Variants in CNTFR observed in about 807,000 individuals in gnomAD.
CNTFR encodes ciliary neurotrophic factor receptor subunit alpha.
A neutral mutation model predicts 40.4 loss-of-function variants in CNTFR; 12 were observed. The ratio of observed to expected loss-of-function variants is 0.30; its 90% CI spans 0.19 to 0.48. The LOEUF (loss-of-function observed/expected upper bound fraction) is 0.48. Ranked by LOEUF, CNTFR falls within the 20% of genes least tolerant of loss-of-function variation. The probability of loss-of-function intolerance (pLI) is 0.99; values close to 1 mark genes in which losing one functional copy is unlikely to be tolerated. For synonymous variants in CNTFR, 202 were observed against 209.6 expected, an observed-to-expected ratio of 0.96 and a Z score of 0.31; for missense variants, 414 against 506.8, an observed-to-expected ratio of 0.82 and a Z score of 1.76.
rs764618752 is a variant in CNTFR at position 34,552,834 on chromosome 9, T to G, written c.789A>C (p.Thr263=). The change falls in exon 8 of 10, where the codon ACA becomes ACC. Residue 263 remains threonine (T), a synonymous_variant. Transcript: ENST00000378980. The surrounding 1 kb of genome is among the most constrained non-coding windows in gnomAD (Gnocchi z 5.1). ...QWQHVELSDG[T]AHTITDAYAG... ...CGTAGGCATCTGTGATGGTGTGTGC[T>G]GTGCCGTCGGACAGCTCCACCTGCA... The G allele has an allele frequency of 2.5e-6, 4 of 1,612,488 alleles. No individual in the cohort carries two copies. In the South Asian group the frequency reaches 4.4e-5, roughly 18 times the overall value.
chr9:34,587,786 G>A (rs1430490772), intron 1 of CNTFR, among the ~76,000 whole-genome samples: 1 of 152,124 alleles, frequency 6.6e-6, no homozygotes, highest in African/African-American at 2.4e-5. Context: ...GGACCCCAGT[G>A]AGATTCTGGG....
At chr9:34,574,884 G>A (rs564211427) in intron 2 of CNTFR, among the ~76,000 whole-genome samples, 1 of 152,238 alleles carries the variant, frequency 6.6e-6, no homozygotes, top group Non-Finnish European at 1.5e-5. Flanking sequence ...GCCCTCCCAT[G>A]ATGGGCCTGG....
chr9:34,563,099 G>A lies in CNTFR; in HGVS notation c.319+1500C>T, dbSNP rs370959612. 2.3e-3 allele frequency among the ~76,000 whole-genome samples: 353 copies of A among 151,954 alleles called. 2 individuals carry two copies. Among genetic ancestry groups the A allele is most frequent in the African/African-American group, 8.1e-3 (334 of 41,434 alleles). ...CCATCTCCAGCAGAGGCCTCTCCCCGAATCCCAGACGCTCAGACCCACTGG... is the reference window on the plus strand; with the variant it reads ...CCATCTCCAGCAGAGGCCTCTCCCCAAATCCCAGACGCTCAGACCCACTGG... On this transcript the variant is annotated intron_variant, in intron 4 of 9. Coordinates refer to ENST00000378980, the MANE Select transcript of CNTFR (RefSeq NM_147164.3).
At chr9:34,582,038 C>T (rs1278228849) in intron 1 of CNTFR, among the ~76,000 whole-genome samples, 2 of 152,130 alleles carry the variant, frequency 1.3e-5, no homozygotes, top group Non-Finnish European at 2.9e-5. Context: ...CTTTGGGAGG[C>T]TGAAGCAGGT....
chr9:34,579,555 A>T (rs960949163), intron 2 of CNTFR, among the ~76,000 whole-genome samples: 1 of 151,924 alleles, frequency 6.6e-6, no homozygotes, highest in Non-Finnish European at 1.5e-5. Context: ...ACTGAGGGCG[A>T]GGCTCCCACG....
At chr9:34,579,580 CAG>C (rs1564074395) in intron 2 of CNTFR, among the ~76,000 whole-genome samples, 1 of 151,474 alleles carries the variant, frequency 6.6e-6, no homozygotes, top group East Asian at 1.9e-4. Flanking sequence ...CTGAGATGGA[CAG>C]AGAGAGGGTG....
At chr9:34,567,543 G>C (rs986149210) in intron 3 of CNTFR, among the ~76,000 whole-genome samples, 1 of 152,110 alleles carries the variant, frequency 6.6e-6, no homozygotes, top group Non-Finnish European at 1.5e-5. Flanking sequence ...CACCTGATAC[G>C]AGATCACATG....
intron 4 of CNTFR, among the ~76,000 whole-genome samples, chr9:34,564,046 C>T (rs1006191438): frequency 1.3e-5 from 2 of 152,328 alleles, no homozygotes; most frequent in East Asian, 3.9e-4. Flanking sequence ...TACGGTCACA[C>T]CCAGCTCTCT....
intron 1 of CNTFR, among the ~76,000 whole-genome samples, chr9:34,585,714 T>G (rs1262531528): frequency 6.6e-6 from 1 of 152,130 alleles, no homozygotes; most frequent in Non-Finnish European, 1.5e-5. Flanking sequence ...AGAGCCCTTG[T>G]GGGTTTGGTC....
At position 34,582,601 on chromosome 9, in the gene CNTFR, G is replaced by A. The variant is rs115329630; in HGVS notation, c.-111-1396C>T. ...ACATACCATGAGAAAGGGATTCCATGTCTTCCAATCCTGCCCAGAGATGCA... is the reference window on the plus strand; with the variant it reads ...ACATACCATGAGAAAGGGATTCCATATCTTCCAATCCTGCCCAGAGATGCA... On this transcript the variant is annotated intron_variant, in intron 1 of 9. Transcript: ENST00000378980. 3.4e-3 allele frequency: 517 copies of A among 152,294 alleles called. 2 individuals carry two copies. Among genetic ancestry groups the A allele is most frequent in the African/African-American group, 0.012 (489 of 41,526 alleles). 9.4% of individuals were successfully genotyped at this position (152,294 alleles called of 1,614,324 possible). A position where few individuals can be genotyped will look rare whatever the true frequency, so the allele number is the denominator to read the frequency against.
Position 34,551,593 on chromosome 9 carries a change from A to G in CNTFR, c.*478T>C, listed in dbSNP as rs1825624825. 3.6e-6 allele frequency: 1 copy of G among 276,604 alleles called. No homozygotes were observed. The highest frequency in any genetic ancestry group is 7.0e-6 in the Non-Finnish European group (1 of 143,392). 17.1% of individuals were successfully genotyped at this position (276,604 alleles called of 1,614,324 possible). On this transcript the variant is annotated 3_prime_UTR_variant, in exon 10 of 10. Transcript: ENST00000378980. ...AGGAGCAGGGTCAGGGGAGGGGTATACAAAACAGGGCAGAGGGGAGGGGAC... is the reference window on the plus strand; with the variant it reads ...AGGAGCAGGGTCAGGGGAGGGGTATGCAAAACAGGGCAGAGGGGAGGGGAC...
Position 34,552,608 on chromosome 9 carries a change from G to A in CNTFR, c.949+66C>T. On this transcript the variant is annotated intron_variant, in intron 8 of 9. Transcript: ENST00000378980. The surrounding 1 kb of genome is among the most constrained non-coding windows in gnomAD (Gnocchi z 5.1). ...GCTGGAGGCAGCAGGGTAGAACCAGGCCACAGGTTCTACCACAGGCCTCCA... is the reference window on the plus strand; with the variant it reads ...GCTGGAGGCAGCAGGGTAGAACCAGACCACAGGTTCTACCACAGGCCTCCA... The A allele has an allele frequency of 6.6e-7, 1 of 1,514,756 alleles. No homozygotes were observed. Among genetic ancestry groups the A allele is most frequent in the Non-Finnish European group, 8.9e-7 (1 of 1,119,382 alleles). 93.8% of individuals were successfully genotyped at this position (1,514,756 alleles called of 1,614,324 possible). A position where few individuals can be genotyped will look rare whatever the true frequency, so the allele number is the denominator to read the frequency against.
intron 2 of CNTFR, among the ~76,000 whole-genome samples, chr9:34,577,587 A>G (rs1378576243): frequency 1.1e-4 from 3 of 28,232 alleles, no homozygotes; most frequent in African/African-American, 3.0e-4. Flanking sequence ...GAAAAGAAAG[A>G]TATCAGGAGC....
In CNTFR at chr9:34,557,966, A is replaced by G; in HGVS notation, c.338T>C (p.Val113Ala). The G allele has an allele frequency of 4.5e-6, 7 of 1,550,336 alleles. No individual in the cohort carries two copies. The highest frequency in any genetic ancestry group is 6.1e-6 in the Non-Finnish European group (7 of 1,148,516). The part of the protein sequence containing the change: ...LHVGLPPREP[V>A]LSCRSNTYPK... Reference sequence around the variant, plus strand: ...GTAAGTGTTGGAGCGGCAGCTGAGCACAGGCTCCCGCGGCGGCACTGGGGG... The same window carrying G: ...GTAAGTGTTGGAGCGGCAGCTGAGCGCAGGCTCCCGCGGCGGCACTGGGGG... The change falls in exon 5 of 10, where the codon GTG becomes GCG. Residue 113 changes from valine to alanine, a missense_variant. Coordinates refer to ENST00000378980, the MANE Select transcript of CNTFR (RefSeq NM_147164.3). The surrounding 1 kb of genome is among the most constrained non-coding windows in gnomAD (Gnocchi z 4.2).
intron 2 of CNTFR, among the ~76,000 whole-genome samples, chr9:34,579,586 G>C (rs574417349): frequency 6.6e-6 from 1 of 151,996 alleles, no homozygotes; most frequent in Non-Finnish European, 1.5e-5. Flanking sequence ...TGGACAGAGA[G>C]AGGGTGATGG....
At chr9:34,574,396 G>A (rs1826851072) in intron 2 of CNTFR, among the ~76,000 whole-genome samples, 1 of 152,180 alleles carries the variant, frequency 6.6e-6, no homozygotes, top group Non-Finnish European at 1.5e-5. Flanking sequence ...CCCACCTCAA[G>A]TGGCATAGGG....
At position 34,556,365 on chromosome 9, in the gene CNTFR, G is replaced by A. The variant is rs765332899; in HGVS notation, c.658C>T (p.Arg220Cys). Residue 220 changes from arginine to cysteine, a missense_variant, in exon 7 of 10, where the codon CGC (arginine) becomes TGC (cysteine). By Grantham distance (180) the Arg-to-Cys change is radical (BLOSUM62 -3). Around this residue, in one of 3 missense-constraint regions of CNTFR, gnomAD observed 83 missense variants for 145.0 expected, o/e 0.57. Transcript: ENST00000378980. ...GTCTGCCACGTCACCTCCAGCCGGCGAGGGTTGCTGGGCACTGGCCGGGCT... is the reference window on the plus strand; with the variant it reads ...GTCTGCCACGTCACCTCCAGCCGGCAAGGGTTGCTGGGCACTGGCCGGGCT... ...VVARPVPSNP[R>C]RLEVTWQTPS... The A allele has an allele frequency of 9.3e-6, 15 of 1,613,928 alleles. No homozygotes were observed. Among genetic ancestry groups the A allele is most frequent in the African/African-American group, 4.0e-5 (3 of 75,024 alleles).
chr9:34,561,445 C>G (rs1165196489), intron 4 of CNTFR, among the ~76,000 whole-genome samples: 1 of 152,200 alleles, frequency 6.6e-6, no homozygotes, highest in Non-Finnish European at 1.5e-5. Flanking sequence ...AAAGATGCTA[C>G]TAAAAGCAAC....
At position 34,568,943 on chromosome 9, in the gene CNTFR, AAGCAC is replaced by A; in HGVS notation, c.34_38del (p.Val12CysfsTer28). ...CGTAGACAACTGCGGCGGCGGCGGC[AAGCAC>A]AGCACAGCAGGCCCACGGGACAGGA... On this transcript the variant is annotated frameshift_variant, in exon 3 of 10. Coordinates refer to ENST00000378980, the MANE Select transcript of CNTFR (RefSeq NM_147164.3). LOFTEE classifies it high-confidence loss of function. 6.2e-7 allele frequency: 1 copy of A among 1,602,286 alleles called. No homozygotes were observed. The highest frequency in any genetic ancestry group is 1.7e-5 in the Admixed American group (1 of 58,718).
Sources: gnomAD v4.1 joint callset for allele counts (sites outside exome capture counted in the v4.1 genomes callset) on GRCh38, gnomAD v4.1.1 for gene constraint, gnomAD v4.1.1 regional missense constraint, Gnocchi (gnomAD v3.1) non-coding constraint, MANE v1.5 for transcripts, NCBI Gene and HGNC (gene_info 2026-07-23, HGNC 2026-07-21) for gene names.